Variants in ZNF621 observed in about 807,000 individuals in gnomAD.
ZNF621 encodes zinc finger protein 621.
Under a neutral mutation model 12.7 loss-of-function variants are expected in ZNF621, and 6 were observed. The ratio of observed to expected loss-of-function variants is 0.47; its 90% CI spans 0.26 to 0.93. ZNF621 has a LOEUF of 0.93. ZNF621 is among the 40% of genes least tolerant of loss of function. ZNF621 has a pLI of 0.15. For synonymous variants in ZNF621, 156 were observed against 190.3 expected, an observed-to-expected ratio of 0.82 and a Z score of 1.48; for missense variants, 474 against 524.0, an observed-to-expected ratio of 0.90 and a Z score of 0.93.
chr3:40,529,620 T>TTTTG (rs146039408), intron 3 of ZNF621, 175 bp downstream of exon 3: 56 of 1,459,098 alleles, frequency 3.8e-5, no homozygotes, highest in African/African-American at 2.8e-4. Context: ...TGTTTGTTTG[T>TTTTG]TTTGTTTGTT....
intron 2 of ZNF621, among the ~76,000 whole-genome samples, chr3:40,528,134 A>AT (rs1317991631): frequency 6.6e-6 from 1 of 152,196 alleles, no homozygotes; most frequent in Non-Finnish European, 1.5e-5. Context: ...TGCTCCTCTT[A>AT]TCCATCCTTA....
rs1698854470 is a variant in ZNF621 at position 40,535,889 on chromosome 3, ATAAAT to A, written c.*2804_*2808del. 1.3e-5 allele frequency: 2 copies of A among 152,206 alleles called. No individual in the cohort carries two copies. Among genetic ancestry groups the A allele is most frequent in the African/African-American group, 4.8e-5 (2 of 41,458 alleles). 9.4% of individuals were successfully genotyped at this position (152,206 alleles called of 1,614,324 possible). A position where few individuals can be genotyped will look rare whatever the true frequency, so the allele number is the denominator to read the frequency against. On this transcript the variant is annotated 3_prime_UTR_variant, in exon 5 of 5. Coordinates refer to ENST00000339296, the MANE Select transcript of ZNF621 (RefSeq NM_198484.5). ...TCAAGATTTCAATTTTTATCAATTC[ATAAAT>A]TAAAAACAATATAAAAATTCCAGAG...
chr3:40,536,564 C>G lies in ZNF621; in HGVS notation c.*3474C>G, dbSNP rs1056266164. The G allele has an allele frequency of 1.3e-5, 2 of 152,234 alleles. No individual in the cohort carries two copies. Among genetic ancestry groups the G allele is most frequent in the African/African-American group, 4.8e-5 (2 of 41,454 alleles). 9.4% of individuals were successfully genotyped at this position (152,234 alleles called of 1,614,324 possible). A position where few individuals can be genotyped will look rare whatever the true frequency, so the allele number is the denominator to read the frequency against. On this transcript the variant is annotated 3_prime_UTR_variant, in exon 5 of 5. Transcript: ENST00000339296. ...CCTTTATTCTGCTACTGCTCTCATT[C>G]TGTCTCATCCCAGGAATCCAGTCCC... is the stretch of plus-strand genomic sequence containing the variant.
rs1698785953 is a variant in ZNF621, at chr3:40,533,395, C to T, written c.*305C>T. 3 of 323,766 alleles carry T rather than the reference C, an allele frequency of 9.3e-6. No individual in the cohort carries two copies. Among genetic ancestry groups the T allele is most frequent in the South Asian group, 9.6e-5 (2 of 20,864 alleles). 20.1% of individuals were successfully genotyped at this position (323,766 alleles called of 1,614,324 possible). ...ACCTCAAGTGATCCGCCTGCCTTGG[C>T]CCCCCAAAGTGCTGGGATTACAGGA... On this transcript the variant is annotated 3_prime_UTR_variant, in exon 5 of 5. Transcript: ENST00000339296.
intron 4 of ZNF621, among the ~76,000 whole-genome samples, chr3:40,531,201 G>C (rs139533157): frequency 6.6e-6 from 1 of 152,200 alleles, no homozygotes; most frequent in Non-Finnish European, 1.5e-5. Flanking sequence ...TAGAATTTGG[G>C]GTGATTGCCT....
chr3:40,526,530 A>G (rs1243410442), intron 2 of ZNF621, among the ~76,000 whole-genome samples: 1 of 152,210 alleles, frequency 6.6e-6, no homozygotes, highest in Admixed American at 6.5e-5. Context: ...TGTATCCCAG[A>G]GAGACTAGTA....
rs367871258 is a variant in ZNF621 at position 40,532,186 on chromosome 3, A to G, written c.416A>G (p.Asn139Ser). 32 of 1,614,106 alleles carry G rather than the reference A, an allele frequency of 2.0e-5. No homozygotes were observed. Among genetic ancestry groups the G allele is most frequent in the Non-Finnish European group, 2.6e-5 (31 of 1,180,050 alleles). Residue 139 changes from asparagine (N) to serine (S), a missense_variant, in exon 5 of 5, where the codon AAT (asparagine) becomes AGT (serine). By Grantham distance (46) the Asn-to-Ser change is conservative (BLOSUM62 1). Coordinates refer to ENST00000339296, the MANE Select transcript of ZNF621 (RefSeq NM_198484.5). ...GCACTGAAGCAGACTTTCAATCTAA[A>G]TCCAAATCTGATACTTCGAGGTGGA... ...RKALKQTFNLNPNLILRGGMK... is the reference protein window; with the variant it reads ...RKALKQTFNLSPNLILRGGMK...
upstream of ZNF621, among the ~76,000 whole-genome samples, chr3:40,524,578 G>C (rs1189782627): frequency 3.3e-5 from 5 of 152,222 alleles, no homozygotes; most frequent in Admixed American, 2.6e-4. Flanking sequence ...GGGCCTCTTA[G>C]AGATGACAAA....
intron 3 of ZNF621, among the ~76,000 whole-genome samples, 153 bp from the exon 4 acceptor site, chr3:40,530,056 A>G (rs1698684593): frequency 6.6e-6 from 1 of 151,954 alleles, no homozygotes; most frequent in African/African-American, 2.4e-5. Flanking sequence ...TTTATCGTGG[A>G]GCACAGTTTG....
chr3:40,523,801 A>C (rs1698513694), upstream of ZNF621, among the ~76,000 whole-genome samples: 1 of 42,888 alleles, frequency 2.3e-5, no homozygotes, highest in South Asian at 1.0e-3. Flanking sequence ...GCAAAAAAAA[A>C]AAAAACAAAG....
At chr3:40,529,607 GTTTGTTTGTTTGT>G (rs749946106) in intron 3 of ZNF621, 162 bp downstream of exon 3, 22 of 1,489,936 alleles carry the variant, frequency 1.5e-5, no homozygotes, top group East Asian at 5.4e-5. Context: ...TTTGTTTTTT[GTTTGTTTGTTTGT>G]TTTGTTTGTT....
At position 40,532,914 on chromosome 3, in the gene ZNF621, C is replaced by T; in HGVS notation, c.1144C>T (p.Pro382Ser). The change falls in exon 5 of 5, where the codon CCT (proline) becomes TCT (serine). Residue 382 changes from proline to serine, a missense_variant. Pro to Ser is a moderately conservative substitution (Grantham distance 74). Coordinates refer to ENST00000339296, the MANE Select transcript of ZNF621 (RefSeq NM_198484.5). Reference protein sequence around the residue: ...GSCSASAVAVPSLTFPHAVLI... With the variant: ...GSCSASAVAVSSLTFPHAVLI... Reference sequence around the variant, plus strand: ...CTGTTCTGCTTCAGCCGTAGCTGTGCCTTCACTGACCTTTCCACATGCTGT... The same window carrying T: ...CTGTTCTGCTTCAGCCGTAGCTGTGTCTTCACTGACCTTTCCACATGCTGT... 1 of 1,572,828 alleles carries T rather than the reference C, an allele frequency of 6.4e-7. No individual in the cohort carries two copies. Among genetic ancestry groups the T allele is most frequent in the Non-Finnish European group, 8.6e-7 (1 of 1,158,932 alleles).
At chr3:40,529,682 G>A (rs1698676587) in intron 3 of ZNF621, 1 of 1,129,396 alleles carries the variant, frequency 8.9e-7, no homozygotes, top group African/African-American at 1.6e-5. Flanking sequence ...GAGGGCAGTG[G>A]CATAGCCATG....
At position 40,532,676 on chromosome 3, in the gene ZNF621, G is replaced by A. The variant is rs1698760415; in HGVS notation, c.906G>A (p.Gln302=). ...QCKECGKAFT[Q]KIASIQHQRV... is the part of the protein sequence containing the mutation. ...AGGAGTGTGGCAAAGCCTTCACCCA[G>A]AAAATAGCCTCCATTCAGCATCAGA... Residue 302 remains glutamine (Q), a synonymous_variant, in exon 5 of 5, where the codon CAG becomes CAA. Transcript: ENST00000339296. 6.2e-7 allele frequency: 1 copy of A among 1,614,192 alleles called. No individual in the cohort carries two copies. Among genetic ancestry groups the A allele is most frequent in the Non-Finnish European group, 8.5e-7 (1 of 1,180,030 alleles).
intron 1 of ZNF621, among the ~76,000 whole-genome samples, 158 bp from the exon 2 acceptor site, chr3:40,525,621 A>G (rs985455889): frequency 2.6e-5 from 4 of 152,218 alleles, no homozygotes; most frequent in East Asian, 3.9e-4. Context: ...AGAACAATTC[A>G]TAAGAAGTTT....
rs913439904 is a variant in ZNF621, at chr3:40,532,270, T to C, written c.500T>C (p.Ile167Thr). Residue 167 changes from isoleucine to threonine, a missense_variant, in exon 5 of 5, where the codon ATT (isoleucine) becomes ACT (threonine). Transcript: ENST00000339296. ...GKIFRYNSKL[I>T]RHQMSHTGEK... ...ATCTTCCGATATAACTCAAAGCTTA[T>C]TCGGCATCAGATGAGTCATACTGGG... 1.2e-6 allele frequency: 2 copies of C among 1,613,680 alleles called. No homozygotes were observed. Among genetic ancestry groups the C allele is most frequent in the African/African-American group, 2.7e-5 (2 of 74,948 alleles).
chr3:40,536,267 G>T lies in ZNF621; in HGVS notation c.*3177G>T, dbSNP rs1237831723. On this transcript the variant is annotated 3_prime_UTR_variant, in exon 5 of 5. Transcript: ENST00000339296. ...AGCTAATTTTTTAATTTTTAGTAGA[G>T]ACAGGGTTTCACCATGTTGGCCAGG... The T allele has an allele frequency of 6.6e-6, 1 of 152,152 alleles. No individual in the cohort carries two copies. Among genetic ancestry groups the T allele is most frequent in the Non-Finnish European group, 1.5e-5 (1 of 68,084 alleles). The allele number at this position is 152,152 out of a possible 1,614,324, so 9.4% of individuals were successfully genotyped here. A position where few individuals can be genotyped will look rare whatever the true frequency, so the allele number is the denominator to read the frequency against.
chr3:40,525,888 TTTTG>T (rs759713037), intron 2 of ZNF621, 24 bp downstream of exon 2: 20 of 1,611,648 alleles, frequency 1.2e-5, no homozygotes, highest in East Asian at 6.7e-5. Flanking sequence ...CTTTCAGTTT[TTTTG>T]TTTGTTTGTT....
chr3:40,525,745 G>A, intron 1 of ZNF621, 34 bp from the exon 2 acceptor site: 1 of 1,576,080 alleles, frequency 6.3e-7, no homozygotes, highest in South Asian at 1.1e-5. Flanking sequence ...GTGGACGACA[G>A]GGTCCTTAGC....
Sources: gnomAD v4.1 joint callset for allele counts (sites outside exome capture counted in the v4.1 genomes callset) on GRCh38, gnomAD v4.1.1 for gene constraint, MANE v1.5 for transcripts, NCBI Gene and HGNC (gene_info 2026-07-23, HGNC 2026-07-21) for gene names.